The following IMMP2L variants were observed in gnomAD, a reference collection of about 807,000 sequenced individuals.
The protein encoded by IMMP2L is inner mitochondrial membrane peptidase subunit 2.
Under a neutral mutation model 19.3 loss-of-function variants are expected in IMMP2L, and 18 were observed. That is an observed-to-expected ratio of 0.93 (90% confidence interval 0.64 to 1.38). The LOEUF is 1.38. IMMP2L is among the 40% of genes most tolerant of loss of function. The probability of loss-of-function intolerance (pLI) is 0.00; values close to 1 mark genes in which losing one functional copy is unlikely to be tolerated. For synonymous variants in IMMP2L, 76 were observed against 73.0 expected, an observed-to-expected ratio of 1.04 and a Z score of -0.21; for missense variants, 233 against 218.2, an observed-to-expected ratio of 1.07 and a Z score of -0.43.
At chr7:110,953,366 A>G (rs1585419519) in intron 4 of IMMP2L, among the ~76,000 whole-genome samples, 1 of 145,378 alleles carries the variant, frequency 6.9e-6, no homozygotes, top group Non-Finnish European at 1.5e-5. Context: ...CCTCCCCTGT[A>G]TCCATGTGTT....
chr7:111,051,822 G>T (rs1057500257), intron 3 of IMMP2L, among the ~76,000 whole-genome samples: 2 of 152,176 alleles, frequency 1.3e-5, no homozygotes, highest in African/African-American at 4.8e-5. Flanking sequence ...TTTAGAATAG[G>T]TGACAAGAAC....
At chr7:111,287,026 C>A (rs867285449) in intron 3 of IMMP2L, among the ~76,000 whole-genome samples, 1 of 152,162 alleles carries the variant, frequency 6.6e-6, no homozygotes, top group African/African-American at 2.4e-5. Flanking sequence ...AGATGACTTG[C>A]TCCATGGGGT....
chr7:111,334,660 G>A (rs1190050656), intron 3 of IMMP2L, among the ~76,000 whole-genome samples: 2 of 152,050 alleles, frequency 1.3e-5, no homozygotes, highest in East Asian at 3.9e-4. Flanking sequence ...CAGTCCCCAG[G>A]TATGCTCTAG....
intron 5 of IMMP2L, among the ~76,000 whole-genome samples, chr7:110,838,098 T>C (rs1389987943): frequency 2.0e-5 from 3 of 152,098 alleles, no homozygotes; most frequent in Non-Finnish European, 4.4e-5. Context: ...AAATAGTAGT[T>C]AGAATTTGTA....
chr7:111,128,432 C>T (rs1586469087), intron 3 of IMMP2L, among the ~76,000 whole-genome samples: 1 of 152,226 alleles, frequency 6.6e-6, no homozygotes, highest in East Asian at 1.9e-4. Context: ...TTTTACTCAT[C>T]ACAATTTTGA....
At position 111,099,585 on chromosome 7, in the gene IMMP2L, A is replaced by C. The variant is rs80085849; in HGVS notation, c.240-136020T>G. Reference sequence around the variant, plus strand: ...AGTCCTTCAACTTGACTGTCCTACAAAACAAAATCTGAATGTAAAATTAAA... The same window carrying C: ...AGTCCTTCAACTTGACTGTCCTACACAACAAAATCTGAATGTAAAATTAAA... On this transcript the variant is annotated intron_variant, in intron 3 of 5. Transcript: ENST00000405709. Among the ~76,000 whole-genome samples, 617 of 151,846 alleles carry C rather than the reference A, an allele frequency of 4.1e-3. 6 individuals are homozygous for C. The highest frequency in any genetic ancestry group is 0.014 in the African/African-American group (598 of 41,502).
At position 111,138,836 on chromosome 7, in the gene IMMP2L, T is replaced by C. The variant is rs28568792; in HGVS notation, c.240-175271A>G. On this transcript the variant is annotated intron_variant, in intron 3 of 5. Transcript: ENST00000405709. ...ATTTGGTCACTTGCCTGGAATAGCT[T>C]GGCATTTCTGCACCCTCAAGTAATA... Among the ~76,000 whole-genome samples, 1,433 of 152,274 alleles carry C rather than the reference T, an allele frequency of 9.4e-3. 22 individuals are homozygous for C. The highest frequency in any genetic ancestry group is 0.032 in the African/African-American group (1,328 of 41,554).
intron 3 of IMMP2L, among the ~76,000 whole-genome samples, chr7:111,207,534 G>GTTTTTTTTTTTTTTTTTTTTT (rs376864629): frequency 1.8e-4 from 16 of 90,098 alleles, no homozygotes; most frequent in South Asian, 1.0e-3. Flanking sequence ...TTTATTTTTG[G>GTTTTTTTTTTTTTTTTTTTTT]TTTTTTTTTT....
At chr7:111,251,938 C>T (rs777683225) in intron 3 of IMMP2L, among the ~76,000 whole-genome samples, 1 of 151,884 alleles carries the variant, frequency 6.6e-6, no homozygotes, top group African/African-American at 2.4e-5. Flanking sequence ...TCTATCTTCA[C>T]GAGTTTTATT....
chr7:111,166,074 A>T (rs1163176694), intron 3 of IMMP2L, among the ~76,000 whole-genome samples: 1 of 152,204 alleles, frequency 6.6e-6, no homozygotes, highest in Non-Finnish European at 1.5e-5. Context: ...AGAAAAAAGT[A>T]GCAATTCATA....
chr7:110,769,669 G>C (rs1381875784), intron 5 of IMMP2L, among the ~76,000 whole-genome samples: 1 of 151,956 alleles, frequency 6.6e-6, no homozygotes, highest in African/African-American at 2.4e-5. Context: ...ATGCTATTCT[G>C]ATCACCACTT....
chr7:111,124,988 A>AACAC (rs1801141947), intron 3 of IMMP2L: 2 of 946,844 alleles, frequency 2.1e-6, no homozygotes, highest in East Asian at 5.4e-5. Context: ...AAAACAAACA[A>AACAC]ACAAACAAAA....
In IMMP2L at chr7:111,251,908, C is replaced by A. The variant is rs555719651; in HGVS notation, c.239+235330G>T. On this transcript the variant is annotated intron_variant, in intron 3 of 5. Transcript: ENST00000405709. ...AAATAAAAGTTGAGGGGGAAAAAAA[C>A]ATAATGTCATTGTGTCACCTCTATC... Among the ~76,000 whole-genome samples, 4 of 151,814 alleles carry A rather than the reference C, an allele frequency of 2.6e-5. No individual in the cohort carries two copies. In the South Asian group the frequency reaches 6.3e-4, roughly 24 times the overall value.
At chr7:111,492,410 T>C in intron 2 of IMMP2L, 1 of 983,844 alleles carries the variant, frequency 1.0e-6, no homozygotes, top group Middle Eastern at 5.2e-4. Context: ...GCTCTTTGGA[T>C]GCCTCATTAT....
At chr7:111,471,789 T>C (rs991442604) in intron 3 of IMMP2L, among the ~76,000 whole-genome samples, 2 of 151,980 alleles carry the variant, frequency 1.3e-5, no homozygotes, top group Non-Finnish European at 2.9e-5. Context: ...AAGAACAGGA[T>C]TCAGAAAGGT....
At chr7:110,741,583 C>T (rs1281038479) in intron 5 of IMMP2L, among the ~76,000 whole-genome samples, 2 of 152,168 alleles carry the variant, frequency 1.3e-5, no homozygotes, top group Non-Finnish European at 2.9e-5. Flanking sequence ...TCTGTTGGTG[C>T]CATGATCTTG....
chr7:111,535,378 C>G (rs1332030847), intron 1 of IMMP2L, among the ~76,000 whole-genome samples: 1 of 152,086 alleles, frequency 6.6e-6, no homozygotes, highest in Non-Finnish European at 1.5e-5. Context: ...AAACTGCACA[C>G]TTCACTTTGT....
At chr7:110,954,802 C>T (rs78571746) in intron 4 of IMMP2L, among the ~76,000 whole-genome samples, 2,148 of 152,056 alleles carry the variant, frequency 0.014, 46 homozygotes, top group African/African-American at 0.049. Flanking sequence ...ACTCTATTCA[C>T]GAGAGATAGG....
At chr7:111,420,108 C>A (rs1835344431) in intron 3 of IMMP2L, among the ~76,000 whole-genome samples, 1 of 151,792 alleles carries the variant, frequency 6.6e-6, no homozygotes, top group Non-Finnish European at 1.5e-5. Context: ...TATTCTATCA[C>A]AATAAAAATG....
Sources: allele counts gnomAD v4.1 joint callset (sites outside exome capture counted in the v4.1 genomes callset), GRCh38; gene constraint gnomAD v4.1.1; transcripts MANE v1.5; gene names NCBI Gene and HGNC (gene_info 2026-07-23, HGNC 2026-07-21).